COTL1: variants seen among roughly 807,000 people sequenced by gnomAD.
The protein encoded by COTL1 is coactosin-like protein.
A neutral mutation model predicts 16.5 loss-of-function variants in COTL1; 15 were observed. The observed-to-expected ratio is 0.91, with a 90% CI of 0.61 to 1.40. The LOEUF is 1.40. Among genes scored for constraint, COTL1 ranks in the 40% most tolerant of loss-of-function variants. The pLI is 0.00. For missense variants in COTL1, 220 were observed against 201.5 expected, an observed-to-expected ratio of 1.09 and a Z score of -0.56; for synonymous variants, 112 against 85.3, an observed-to-expected ratio of 1.31 and a Z score of -1.73.
At chr16:84,603,613 C>T (rs932154410) in intron 2 of COTL1, among the ~76,000 whole-genome samples, 1 of 152,090 alleles carries the variant, frequency 6.6e-6, no homozygotes, top group Non-Finnish European at 1.5e-5. Flanking sequence ...AAGGACAAGG[C>T]GGCCTTGGGA....
At chr16:84,605,064 C>T (rs1033653038) in intron 2 of COTL1, among the ~76,000 whole-genome samples, 1 of 152,254 alleles carries the variant, frequency 6.6e-6, no homozygotes, top group Non-Finnish European at 1.5e-5. Flanking sequence ...CACGCACAGG[C>T]TTTCTGTGTC....
intron 2 of COTL1, among the ~76,000 whole-genome samples, chr16:84,591,837 T>C (rs139352390): frequency 7.8e-5 from 7 of 89,700 alleles, no homozygotes; most frequent in South Asian, 2.9e-4. Flanking sequence ...TAAAATAAAA[T>C]AAAATAAAAT....
At chr16:84,580,915 G>A (rs1003582689) in intron 3 of COTL1, among the ~76,000 whole-genome samples, 9 of 152,142 alleles carry the variant, frequency 5.9e-5, no homozygotes, top group Non-Finnish European at 1.0e-4. Flanking sequence ...AGGCTGAGGC[G>A]GGCAGATCAC....
At chr16:84,613,147 C>T (rs549695653) in intron 2 of COTL1, among the ~76,000 whole-genome samples, 4 of 152,086 alleles carry the variant, frequency 2.6e-5, no homozygotes, top group South Asian at 4.2e-4. Flanking sequence ...TTATAGGCGC[C>T]GGCCACCATG....
chr16:84,592,951 A>G (rs1372546029), intron 2 of COTL1, among the ~76,000 whole-genome samples: 1 of 152,230 alleles, frequency 6.6e-6, no homozygotes, highest in East Asian at 1.9e-4. Flanking sequence ...ACTGATCGTC[A>G]TCACCACTCA....
chr16:84,591,447 G>C (rs1170279216), intron 2 of COTL1, among the ~76,000 whole-genome samples: 2 of 151,370 alleles, frequency 1.3e-5, no homozygotes, highest in East Asian at 3.9e-4. Flanking sequence ...GCCTCCCAAA[G>C]TGCTGGGATT....
chr16:84,607,390 AAGTGC>A (rs1231128910), intron 2 of COTL1, among the ~76,000 whole-genome samples: 49 of 152,302 alleles, frequency 3.2e-4, no homozygotes, highest in African/African-American at 1.1e-3. Flanking sequence ...TCTGGATTCA[AAGTGC>A]AGTTCTTCCC....
intron 3 of COTL1, among the ~76,000 whole-genome samples, chr16:84,586,476 G>A (rs1014221983): frequency 6.6e-6 from 1 of 152,194 alleles, no homozygotes; most frequent in Non-Finnish European, 1.5e-5. Flanking sequence ...TCCTTTGGGG[G>A]TGATGAGAAA....
intron 2 of COTL1, 57 bp downstream of exon 2, chr16:84,617,444 C>T: frequency 1.3e-6 from 2 of 1,500,686 alleles, no homozygotes; most frequent in East Asian, 4.9e-5. Context: ...CGGGGCTCCC[C>T]GGGTGCAGAC....
intron 3 of COTL1, among the ~76,000 whole-genome samples, chr16:84,584,364 G>C (rs993271997): frequency 3.3e-5 from 5 of 152,254 alleles, no homozygotes; most frequent in African/African-American, 1.2e-4. Context: ...AGATTAAAGA[G>C]GATCAGAGTT....
rs144415720 is a variant in COTL1 at position 84,599,638 on chromosome 16, G to A, written c.161-9376C>T. Among the ~76,000 whole-genome samples, 936 of 152,280 alleles carry A rather than the reference G, an allele frequency of 6.1e-3. 13 individuals carry two copies. Among genetic ancestry groups the A allele is most frequent in the African/African-American group, 0.022 (910 of 41,560 alleles). On this transcript the variant is annotated intron_variant, in intron 2 of 3. Coordinates refer to ENST00000262428, the MANE Select transcript of COTL1 (RefSeq NM_021149.5). ...ACCCAACACTGAACTTTAGAGCAAG[G>A]CCAAAGAAAGGGGGAAGGGGAGGAC...
rs542510307 is a variant in COTL1 at position 84,574,208 on chromosome 16, T to C, written c.319-7253A>G. Among the ~76,000 whole-genome samples the C allele has an allele frequency of 2.6e-5, 4 of 152,260 alleles. No homozygotes were observed. The South Asian group carries it at 8.3e-4, about 32-fold the overall frequency. On this transcript the variant is annotated intron_variant, in intron 3 of 3. Coordinates refer to ENST00000262428, the MANE Select transcript of COTL1 (RefSeq NM_021149.5). ...CAACAACCCAGAGAGGGGACGCAGT[T>C]CATCCCAGGGGACACAGCAACTTCC... is the stretch of plus-strand genomic sequence containing the variant.
At position 84,590,483 on chromosome 16, in the gene COTL1, C is replaced by A. The variant is rs1401030778; in HGVS notation, c.161-221G>T. 1 of 415,036 alleles carries A rather than the reference C, an allele frequency of 2.4e-6. No homozygotes were observed. The allele number at this position is 415,036 out of a possible 1,614,324, so 25.7% of individuals were successfully genotyped here. A position where few individuals can be genotyped will look rare whatever the true frequency, so the allele number is the denominator to read the frequency against. ...TGGCAACAGTGCTGCAGGCTTCATGCCCATTTCACAGATGGGAAATGGAGA... is the reference window on the plus strand; with the variant it reads ...TGGCAACAGTGCTGCAGGCTTCATGACCATTTCACAGATGGGAAATGGAGA... On this transcript the variant is annotated intron_variant, in intron 2 of 3. Coordinates refer to ENST00000262428, the MANE Select transcript of COTL1 (RefSeq NM_021149.5). This position sits in a 1 kb window ranked among gnomAD's most constrained non-coding sequence, Gnocchi z 5.5.
chr16:84,568,154 C>A (rs1904306849), intron 3 of COTL1: 1 of 152,244 alleles, frequency 6.6e-6, no homozygotes, highest in Non-Finnish European at 1.5e-5. Flanking sequence ...TCTGCCACCA[C>A]ACCCAGCTAT....
At chr16:84,604,019 C>A (rs1905157804) in intron 2 of COTL1, among the ~76,000 whole-genome samples, 1 of 124,964 alleles carries the variant, frequency 8.0e-6, no homozygotes, top group African/African-American at 3.1e-5. Context: ...GCTCCCCACT[C>A]CCTACTACCC....
At chr16:84,615,010 G>A (rs940615385) in intron 2 of COTL1, among the ~76,000 whole-genome samples, 1 of 152,188 alleles carries the variant, frequency 6.6e-6, no homozygotes, top group Non-Finnish European at 1.5e-5. Flanking sequence ...CTTAGTACCT[G>A]CCACACCAGG....
intron 3 of COTL1, among the ~76,000 whole-genome samples, chr16:84,587,744 G>C (rs1466146389): frequency 6.6e-6 from 1 of 152,068 alleles, no homozygotes; most frequent in Non-Finnish European, 1.5e-5. Flanking sequence ...CTGACAGGGG[G>C]ACCACAGGAC....
chr16:84,593,103 G>A (rs1411779057), intron 2 of COTL1, among the ~76,000 whole-genome samples: 1 of 152,228 alleles, frequency 6.6e-6, no homozygotes, highest in African/African-American at 2.4e-5. Flanking sequence ...CATTGATAAG[G>A]GCTGGAGGCT....
At chr16:84,597,300 A>G (rs1419978572) in intron 2 of COTL1, among the ~76,000 whole-genome samples, 2 of 152,224 alleles carry the variant, frequency 1.3e-5, no homozygotes, top group Admixed American at 6.5e-5. Flanking sequence ...TGCACACTGC[A>G]GATTCTTCTC....
Sources: allele counts gnomAD v4.1 joint callset (sites outside exome capture counted in the v4.1 genomes callset), GRCh38; gene constraint gnomAD v4.1.1; non-coding constraint Gnocchi (gnomAD v3.1); transcripts MANE v1.5; gene names NCBI Gene and HGNC (gene_info 2026-07-23, HGNC 2026-07-21).